Variants in TRAPPC12 observed in about 807,000 individuals in gnomAD.
TRAPPC12 encodes TPR repeat protein 15.
TRAPPC12 carries 61 observed loss-of-function variants against 69.2 expected under a neutral mutation model. The ratio of observed to expected loss-of-function variants is 0.88; its 90% CI spans 0.72 to 1.09. The LOEUF (loss-of-function observed/expected upper bound fraction) is 1.09, where lower values mean the gene tolerates loss of function less well. Ranked by LOEUF, TRAPPC12 falls within the 50% of genes least tolerant of loss-of-function variation. The probability of loss-of-function intolerance (pLI) is 0.00; values close to 1 mark genes in which losing one functional copy is unlikely to be tolerated. For synonymous variants in TRAPPC12, 469 were observed against 438.9 expected (o/e 1.07, Z -0.86); for missense variants, 1,101 against 1,016.4 (o/e 1.08, Z -1.13).
chr2:3,427,238 G>A (rs1485100614), intron 5 of TRAPPC12, among the ~76,000 whole-genome samples: 2 of 152,076 alleles, frequency 1.3e-5, no homozygotes, highest in Non-Finnish European at 2.9e-5. Context: ...CCTGAGCATC[G>A]CCTCCAACCC....
chr2:3,460,876 G>A (rs535008614), intron 8 of TRAPPC12: 3 of 153,294 alleles, frequency 2.0e-5, no homozygotes, highest in African/African-American at 7.2e-5. Context: ...GTGCAACGGT[G>A]TTTTTTGGCT....
At chr2:3,395,729 A>ATTTTTTT (rs374787114) in intron 2 of TRAPPC12, among the ~76,000 whole-genome samples, 1 of 137,342 alleles carries the variant, frequency 7.3e-6, no homozygotes, top group Non-Finnish European at 1.6e-5. Flanking sequence ...CGCCCAGCTA[A>ATTTTTTT]TTTTTTTTTT....
intron 3 of TRAPPC12, among the ~76,000 whole-genome samples, chr2:3,420,918 C>T (rs192826311): frequency 5.9e-5 from 9 of 152,322 alleles, no homozygotes; most frequent in Non-Finnish European, 1.3e-4. Flanking sequence ...GGCATGCACA[C>T]AAAATCATTT....
At position 3,387,885 on chromosome 2, in the gene TRAPPC12, G is replaced by C; in HGVS notation, c.262G>C (p.Val88Leu). 2 of 1,578,284 alleles carry C rather than the reference G, an allele frequency of 1.3e-6. No homozygotes were observed. The highest frequency in any genetic ancestry group is 1.7e-6 in the Non-Finnish European group (2 of 1,159,700). ...SEGDAGDLGR[V>L]RDEAEPGGEG... ...GGGCGACGCGGGCGACCTGGGCCGA[G>C]TGCGGGACGAAGCTGAGCCCGGAGG... Residue 88 changes from valine (V) to leucine (L), a missense_variant, in exon 2 of 12, where the codon GTG (valine) becomes CTG (leucine). Physicochemically the swap from Val to Leu is conservative, Grantham distance 32 (BLOSUM62 1). Coordinates refer to ENST00000324266, the MANE Select transcript of TRAPPC12 (RefSeq NM_016030.6).
At chr2:3,404,377 A>G (rs1386643483) in intron 3 of TRAPPC12, among the ~76,000 whole-genome samples, 1 of 152,098 alleles carries the variant, frequency 6.6e-6, no homozygotes, top group Non-Finnish European at 1.5e-5. Context: ...ATTTTACTCA[A>G]AAGTCAGTTT....
chr2:3,464,268 G>A (rs1049894958), intron 8 of TRAPPC12, among the ~76,000 whole-genome samples: 9 of 152,226 alleles, frequency 5.9e-5, no homozygotes, highest in Non-Finnish European at 1.2e-4. Flanking sequence ...AAAGGAGACC[G>A]AGGCATGTGC....
intron 7 of TRAPPC12, chr2:3,459,969 C>T (rs924245259): frequency 1.0e-5 from 5 of 495,990 alleles, no homozygotes; most frequent in Admixed American, 3.5e-5. Flanking sequence ...GCTTTGGAAA[C>T]GGGGCCCCCG....
intron 2 of TRAPPC12, among the ~76,000 whole-genome samples, chr2:3,391,785 C>T (rs1045961375): frequency 2.6e-5 from 4 of 152,084 alleles, no homozygotes; most frequent in African/African-American, 9.7e-5. Flanking sequence ...GTCTCTGTAT[C>T]CTGTCCCCCC....
At chr2:3,460,974 GC>G (rs1318877627) in intron 8 of TRAPPC12, 1 of 152,558 alleles carries the variant, frequency 6.6e-6, no homozygotes, top group African/African-American at 2.4e-5. Context: ...TGTCCCTGCA[GC>G]CAGCTGTGCG....
At chr2:3,459,926 T>C (rs1207639367) in intron 7 of TRAPPC12, 2 of 392,552 alleles carry the variant, frequency 5.1e-6, no homozygotes, top group Non-Finnish European at 9.4e-6. Context: ...TGTCGTCGTT[T>C]CTGTCAGCTT....
chr2:3,428,535 A>G (rs764636810), intron 5 of TRAPPC12, among the ~76,000 whole-genome samples: 8 of 152,260 alleles, frequency 5.3e-5, no homozygotes, highest in Admixed American at 3.9e-4. Flanking sequence ...TTGCCCATTC[A>G]GAATATTCAT....
At position 3,450,605 on chromosome 2, in the gene TRAPPC12, G is replaced by A. The variant is rs760228352; in HGVS notation, c.1530+6714G>A. ...ATGGTGCCTGCCAGGCACGTGGTCC[G>A]TGTTTCATGATTCTTTGAGAGCTTT... On this transcript the variant is annotated intron_variant, in intron 6 of 11. Transcript: ENST00000324266. Among the ~76,000 whole-genome samples the A allele has an allele frequency of 6.6e-5, 10 of 152,204 alleles. 1 individual carries two copies. The highest frequency in any genetic ancestry group is 4.1e-4 in the South Asian group (2 of 4,832).
intron 1 of TRAPPC12, among the ~76,000 whole-genome samples, chr2:3,386,606 G>A (rs955821765): frequency 1.3e-5 from 2 of 152,180 alleles, no homozygotes; most frequent in African/African-American, 2.4e-5. Flanking sequence ...TCAGCCATCA[G>A]TGCTTAGTGA....
In TRAPPC12 at chr2:3,383,416, C is replaced by T. The variant is rs191108913; in HGVS notation, c.-5+3540C>T. Reference sequence around the variant, plus strand: ...TTTGATCCCCCACCCCCGCCCCGCCCGAGACGGAGTCTTTCTCTGTCACCC... The same window carrying T: ...TTTGATCCCCCACCCCCGCCCCGCCTGAGACGGAGTCTTTCTCTGTCACCC... On this transcript the variant is annotated intron_variant, in intron 1 of 11. Coordinates refer to ENST00000324266, the MANE Select transcript of TRAPPC12 (RefSeq NM_016030.6). Among the ~76,000 whole-genome samples, 351 of 150,508 alleles carry T rather than the reference C, an allele frequency of 2.3e-3. 3 individuals are homozygous for T. Among genetic ancestry groups the T allele is most frequent in the African/African-American group, 8.0e-3 (325 of 40,740 alleles).
Position 3,457,620 on chromosome 2 carries a change from G to A in TRAPPC12, c.1531-1G>A, listed in dbSNP as rs1197458839. 1.9e-6 allele frequency: 3 copies of A among 1,612,698 alleles called. No individual in the cohort carries two copies. Among genetic ancestry groups the A allele is most frequent in the Admixed American group, 1.7e-5 (1 of 59,994 alleles). On this transcript the variant is annotated splice_acceptor_variant, in intron 6 of 11. Coordinates refer to ENST00000324266, the MANE Select transcript of TRAPPC12 (RefSeq NM_016030.6). LOFTEE classifies it high-confidence loss of function. The stretch of plus-strand genomic sequence containing the variant: ...GTCCTTCTCATTTGGAATGATTGCA[G>A]ATCCTGGCCAATTTGGAGCAAGGCT...
chr2:3,421,442 A>T (rs1307183025), intron 3 of TRAPPC12, among the ~76,000 whole-genome samples: 1 of 152,274 alleles, frequency 6.6e-6, no homozygotes, highest in African/African-American at 2.4e-5. Context: ...TTAGAGTCAT[A>T]TGCAAATCTT....
At chr2:3,380,207 G>C (rs769448561) in intron 1 of TRAPPC12, among the ~76,000 whole-genome samples, 2 of 152,156 alleles carry the variant, frequency 1.3e-5, no homozygotes, top group Non-Finnish European at 2.9e-5. Flanking sequence ...GCGTCCCCGA[G>C]ACCCCCAGTT....
intron 4 of TRAPPC12, among the ~76,000 whole-genome samples, chr2:3,423,211 G>A (rs1276145816): frequency 6.6e-6 from 1 of 152,168 alleles, no homozygotes; most frequent in Non-Finnish European, 1.5e-5. Context: ...TGGCTACCAT[G>A]TGAAATTTCA....
At chr2:3,441,661 A>T (rs970856418) in intron 5 of TRAPPC12, among the ~76,000 whole-genome samples, 13 of 147,218 alleles carry the variant, frequency 8.8e-5, no homozygotes, top group Non-Finnish European at 1.6e-4. Context: ...TAATATTTTT[A>T]TTATTTTCTT....
Sources: gnomAD v4.1 joint callset for allele counts (sites outside exome capture counted in the v4.1 genomes callset) on GRCh38, gnomAD v4.1.1 for gene constraint, MANE v1.5 for transcripts, NCBI Gene and HGNC (gene_info 2026-07-23, HGNC 2026-07-21) for gene names.